TTN: variants seen among roughly 807,000 people sequenced by gnomAD.
TTN encodes connectin.
TTN carries 1,525 observed loss-of-function variants against 3,223.0 expected under a neutral mutation model. The observed-to-expected ratio is 0.47, with a 90% confidence interval of 0.45 to 0.49. The LOEUF (loss-of-function observed/expected upper bound fraction) is 0.49. Ranked by LOEUF, TTN falls within the 20% of genes least tolerant of loss-of-function variation. The probability of loss-of-function intolerance (pLI) is 0.00; values close to 1 mark genes in which losing one functional copy is unlikely to be tolerated. For missense variants in TTN, 40,786 were observed against 43,424.0 expected, an observed-to-expected ratio of 0.94 and a Z score of 5.40; for synonymous variants, 14,094 against 15,161.0, an observed-to-expected ratio of 0.93 and a Z score of 5.17.
rs1161702766 is a variant in TTN, at chr2:178,616,332, C to G, written c.48312+147G>C. 1.7e-5 allele frequency: 17 copies of G among 1,003,316 alleles called. No homozygotes were observed. The Admixed American group carries it at 2.6e-4, about 15-fold the overall frequency. 62.2% of individuals were successfully genotyped at this position (1,003,316 alleles called of 1,614,324 possible). A position where few individuals can be genotyped will look rare whatever the true frequency, so the allele number is the denominator to read the frequency against. The stretch of plus-strand genomic sequence containing the variant: ...GAGCTACCTCAGGAAGCATTAGCAC[C>G]GATGCATTCTTAAAAAGTTTTTGTA... On this transcript the variant is annotated intron_variant, in intron 257 of 362. Transcript: ENST00000589042.
At chr2:178,603,449 G>A (rs1178275975) in intron 282 of TTN, among the ~76,000 whole-genome samples, 1 of 151,824 alleles carries the variant, frequency 6.6e-6, no homozygotes, top group Non-Finnish European at 1.5e-5. Flanking sequence ...CTAAATCTTT[G>A]TTCAATAATA....
rs2055283494 is a variant in TTN, at chr2:178,607,829, C to T, written c.52958G>A (p.Gly17653Glu). ...AACAGGTTGTGTTTCTCCAGGCGGT[C>T]CTTCCCCTGCGGCATTGACAGCACT... is the stretch of plus-strand genomic sequence containing the variant. ...RVSAVNAAGE[G>E]PPGETQPVTV... The change falls in exon 276 of 363, where the codon GGA becomes GAA. Residue 17653 changes from glycine to glutamate, a missense_variant. Gly to Glu is a moderately conservative substitution (Grantham distance 98). Coordinates refer to ENST00000589042, the MANE Select transcript of TTN (RefSeq NM_001267550.2). 2 of 1,612,858 alleles carry T rather than the reference C, an allele frequency of 1.2e-6. No homozygotes were observed. The highest frequency in any genetic ancestry group is 1.3e-5 in the African/African-American group (1 of 74,838).
intron 46 of TTN, among the ~76,000 whole-genome samples, chr2:178,754,442 T>C (rs1416550241): frequency 6.6e-6 from 1 of 152,138 alleles, no homozygotes; most frequent in Admixed American, 6.5e-5. Context: ...ATATTATCAA[T>C]TGGAACTGAA....
rs765191581 is a variant in TTN, at chr2:178,575,459, T to C, written c.70673A>G (p.His23558Arg). 8.1e-6 allele frequency: 13 copies of C among 1,613,480 alleles called. No homozygotes were observed. The highest frequency in any genetic ancestry group is 6.7e-5 in the African/African-American group (5 of 74,910). ...TVSLAWPKPK[H>R]DGGSKITGYV... Reference sequence around the variant, plus strand: ...GCCAGTGATCTTGCTGCCACCATCGTGTTTGGGCTTAGGCCATGCCAGGCT... The same window carrying C: ...GCCAGTGATCTTGCTGCCACCATCGCGTTTGGGCTTAGGCCATGCCAGGCT... The change falls in exon 326 of 363, where the codon CAC becomes CGC. Residue 23558 changes from histidine to arginine, a missense_variant. His to Arg is a conservative substitution (Grantham distance 29). Coordinates refer to ENST00000589042, the MANE Select transcript of TTN (RefSeq NM_001267550.2). This position sits in a 1 kb window ranked among gnomAD's most constrained non-coding sequence, Gnocchi z 4.0.
In TTN at chr2:178,578,617, T is replaced by C. The variant is rs768713071; in HGVS notation, c.68323A>G (p.Ile22775Val). ...TDPKKTGGSPITGYHLEFKER... is the reference protein window; with the variant it reads ...TDPKKTGGSPVTGYHLEFKER... ...ATAAGAACAAACAAAATACCTGTAA[T>C]TGGAGAACCACCAGTTTTCTTGGGG... The change falls in exon 321 of 363, where the codon ATT becomes GTT. Residue 22775 changes from isoleucine (I) to valine (V), a missense_variant. Ile to Val is a conservative substitution (Grantham distance 29). Coordinates refer to ENST00000589042, the MANE Select transcript of TTN (RefSeq NM_001267550.2). The C allele has an allele frequency of 6.8e-6, 11 of 1,609,572 alleles. No homozygotes were observed. Among genetic ancestry groups the C allele is most frequent in the African/African-American group, 2.7e-5 (2 of 74,790 alleles).
rs768620665 is a variant in TTN at position 178,774,469 on chromosome 2, T to A, written c.6795A>T (p.Ala2265=). The A allele has an allele frequency of 5.0e-6, 8 of 1,612,374 alleles. No homozygotes were observed. In the East Asian group the frequency reaches 1.8e-4, roughly 36 times the overall value. The change falls in exon 30 of 363, where the codon GCA becomes GCT. Residue 2265 remains alanine (A), a synonymous_variant. Transcript: ENST00000589042. ...GAAGTTCTTTCACAAACTCAACAAC[T>A]GCACCTGAAGTGTATAACAGAAAGA... ...KTTAKLIVEG[A]VVEFVKELQD...
In TTN at chr2:178,725,619, C is replaced by G. The variant is rs764794977; in HGVS notation, c.20585G>C (p.Ser6862Thr). ...EPPRFVSKLNSLTVVAGEPAE... is the reference protein window; with the variant it reads ...EPPRFVSKLNTLTVVAGEPAE... ...AGGCTCTCCGGCTACAACAGTGAGGCTGTTCAGTTTGGAGACAAATCTTGG... is the reference window on the plus strand; with the variant it reads ...AGGCTCTCCGGCTACAACAGTGAGGGTGTTCAGTTTGGAGACAAATCTTGG... The change falls in exon 71 of 363, where the codon AGC (serine) becomes ACC (threonine). Residue 6862 changes from serine to threonine, a missense_variant. Transcript: ENST00000589042. 1 of 1,596,146 alleles carries G rather than the reference C, an allele frequency of 6.3e-7. No homozygotes were observed. The highest frequency in any genetic ancestry group is 2.2e-5 in the East Asian group (1 of 44,644).
intron 284 of TTN, 38 bp from the exon 285 acceptor site, chr2:178,601,952 C>A: frequency 3.1e-6 from 5 of 1,612,586 alleles, no homozygotes; most frequent in Non-Finnish European, 4.2e-6. Flanking sequence ...AGTATAAATA[C>A]TCCTTATAGT....
At chr2:178,781,069 C>T in intron 21 of TTN, 52 bp downstream of exon 21, 1 of 1,612,512 alleles carries the variant, frequency 6.2e-7, no homozygotes, top group African/African-American at 1.3e-5. Flanking sequence ...GCACTGCTAT[C>T]TCCTTGTATT....
At position 178,756,751 on chromosome 2, in the gene TTN, G is replaced by C. The variant is rs780975665; in HGVS notation, c.10725C>G (p.Ser3575=). The C allele has an allele frequency of 4.3e-6, 7 of 1,613,736 alleles. No individual in the cohort carries two copies. The South Asian group carries it at 7.7e-5, about 18-fold the overall frequency. ...RQSSGKDVRE[S]TKSQAVADSS... Reference sequence around the variant, plus strand: ...AATCTGCCACTGCCTGGGACTTGGTGGACTCTCTTACATCTTTCCCAGAAC... The same window carrying C: ...AATCTGCCACTGCCTGGGACTTGGTCGACTCTCTTACATCTTTCCCAGAAC... Residue 3575 remains serine, a synonymous_variant, in exon 46 of 363, where the codon TCC becomes TCG. Transcript: ENST00000589042.
In TTN at chr2:178,776,162, T is replaced by C. The variant is rs1414147349; in HGVS notation, c.5702A>G (p.Asp1901Gly). 9.3e-6 allele frequency: 15 copies of C among 1,614,054 alleles called. No homozygotes were observed. Among genetic ancestry groups the C allele is most frequent in the Non-Finnish European group, 1.1e-5 (13 of 1,180,010 alleles). ...TTCACCTGTGTCATATGATTTGCAG[T>C]CCACGATGTCCAGGTAATGGATACC... The part of the protein sequence containing the change: ...YDGIHYLDIV[D>G]CKSYDTGEVK... The change falls in exon 28 of 363, where the codon GAC becomes GGC. Residue 1901 changes from aspartate to glycine, a missense_variant. Coordinates refer to ENST00000589042, the MANE Select transcript of TTN (RefSeq NM_001267550.2).
At chr2:178,675,583 G>GTGTTGTGTC in intron 149 of TTN, 88 bp downstream of exon 149, 1 of 1,010,304 alleles carries the variant, frequency 9.9e-7, no homozygotes, top group Non-Finnish European at 1.3e-6. Flanking sequence ...ACCATACAAT[G>GTGTTGTGTC]CACACATTTA....
chr2:178,565,597 A>C lies in TTN; in HGVS notation c.80535T>G (p.Ser26845=). Reference sequence around the variant, plus strand: ...TGACACGGAACTGATATTCTTGTCCAGAACTCAAACCAGTAACAACTGCAT... The same window carrying C: ...TGACACGGAACTGATATTCTTGTCCCGAACTCAAACCAGTAACAACTGCAT... ...VCNAVVTGLS[S]GQEYQFRVKA... Residue 26845 remains serine, a synonymous_variant, in exon 326 of 363, where the codon TCT becomes TCG. Transcript: ENST00000589042. The C allele has an allele frequency of 6.2e-7, 1 of 1,613,650 alleles. No individual in the cohort carries two copies. The highest frequency in any genetic ancestry group is 8.5e-7 in the Non-Finnish European group (1 of 1,179,642).
chr2:178,722,988 A>G (rs2078679261), intron 75 of TTN, 51 bp from the exon 76 acceptor site: 19 of 1,596,598 alleles, frequency 1.2e-5, no homozygotes, highest in Non-Finnish European at 1.5e-5. Flanking sequence ...AATATCAAAG[A>G]AACTATGCTA....
intron 238 of TTN, 29 bp downstream of exon 238, chr2:178,630,775 G>A (rs746002934): frequency 6.3e-7 from 1 of 1,597,530 alleles, no homozygotes; most frequent in East Asian, 2.2e-5. Context: ...AGCTCCTTTA[G>A]GTGTTGACAA....
chr2:178,731,149 G>A lies in TTN; in HGVS notation c.17516C>T (p.Pro5839Leu). The A allele has an allele frequency of 6.2e-7, 1 of 1,613,578 alleles. No individual in the cohort carries two copies. The highest frequency in any genetic ancestry group is 1.3e-5 in the African/African-American group (1 of 74,968). The change falls in exon 60 of 363, where the codon CCA becomes CTA. Residue 5839 changes from proline (P) to leucine (L), a missense_variant. By Grantham distance (98) the Pro-to-Leu change is moderately conservative (BLOSUM62 -3). Coordinates refer to ENST00000589042, the MANE Select transcript of TTN (RefSeq NM_001267550.2). The part of the protein sequence containing the change: ...AVSIDVTQGD[P>L]ATLQVKFSGT... ...TGAAAATTTAACCTGCAAAGTGGCT[G>A]GGTCTCCTTGGGTGACATCTATAGA... is the stretch of plus-strand genomic sequence containing the variant.
In TTN at chr2:178,730,700, A is replaced by G. The variant is rs776790387; in HGVS notation, c.17833T>C (p.Ser5945Pro). Residue 5945 changes from serine (S) to proline (P), a missense_variant, in exon 61 of 363, where the codon TCA becomes CCA. Physicochemically the swap from Ser to Pro is moderately conservative, Grantham distance 74. Coordinates refer to ENST00000589042, the MANE Select transcript of TTN (RefSeq NM_001267550.2). ...AACCACTGGATGCTTATGGGATGTG[A>G]CCCAGCCACTATACATTCTAAATCA... is the stretch of plus-strand genomic sequence containing the variant. The part of the protein sequence containing the change: ...FIDLECIVAG[S>P]HPISIQWFKD... 106 of 1,612,586 alleles carry G rather than the reference A, an allele frequency of 6.6e-5. No individual in the cohort carries two copies. The highest frequency in any genetic ancestry group is 8.7e-5 in the Non-Finnish European group (103 of 1,179,574).
rs1253957228 is a variant in TTN, at chr2:178,535,009, A to G, written c.101606T>C (p.Ile33869Thr). ...GTGTAAGATGTTTCTATGCCTAGCA[A>G]TATTCAGAATGGAAATTTCCTTCTT... ...LVKKEISILNIARHRNILHLH... is the reference protein window; with the variant it reads ...LVKKEISILNTARHRNILHLH... Residue 33869 changes from isoleucine (I) to threonine (T), a missense_variant, in exon 358 of 363, where the codon ATT becomes ACT. Ile to Thr is a moderately conservative substitution (Grantham distance 89). Coordinates refer to ENST00000589042, the MANE Select transcript of TTN (RefSeq NM_001267550.2). 16 of 1,613,754 alleles carry G rather than the reference A, an allele frequency of 9.9e-6. No individual in the cohort carries two copies. The South Asian group carries it at 1.1e-4, about 11-fold the overall frequency.
chr2:178,722,554 G>A lies in TTN; in HGVS notation c.22241-8C>T. The A allele has an allele frequency of 1.9e-6, 3 of 1,608,600 alleles. No individual in the cohort carries two copies. The highest frequency in any genetic ancestry group is 2.5e-6 in the Non-Finnish European group (3 of 1,176,878). ...AAGGTGGGAGTTGGCGCTCTGTAGG[G>A]AGACATGTAATACTTAAGGTGTTAG... On this transcript the variant is annotated splice_polypyrimidine_tract_variant and splice_region_variant and intron_variant, in intron 76 of 362. Transcript: ENST00000589042.
Sources: gnomAD v4.1 joint callset for allele counts (sites outside exome capture counted in the v4.1 genomes callset) on GRCh38, gnomAD v4.1.1 for gene constraint, Gnocchi (gnomAD v3.1) non-coding constraint, MANE v1.5 for transcripts, NCBI Gene and HGNC (gene_info 2026-07-23, HGNC 2026-07-21) for gene names.